The following CNTN5 variants were observed in gnomAD, a reference collection of about 807,000 sequenced individuals.
CNTN5 encodes the protein contactin-5.
Under a neutral mutation model 129.1 loss-of-function variants are expected in CNTN5, and 77 were observed. That is an observed-to-expected ratio of 0.60 (90% CI 0.50 to 0.72). CNTN5 has a LOEUF of 0.72. CNTN5 is among the 30% of genes least tolerant of loss of function. The pLI, the probability that CNTN5 is intolerant of heterozygous loss-of-function variation, is 0.00. For missense variants in CNTN5, 1,478 were observed against 1,328.8 expected (o/e 1.11, Z -1.75); for synonymous variants, 509 against 465.6 (o/e 1.09, Z -1.20).
intron 2 of CNTN5, among the ~76,000 whole-genome samples, chr11:99,344,538 A>C (rs1420397864): frequency 6.6e-6 from 1 of 152,250 alleles, no homozygotes; most frequent in Admixed American, 6.5e-5. Context: ...AATAGATATA[A>C]AATTTTTTAG....
chr11:99,987,583 A>G (rs1366724403), intron 8 of CNTN5, among the ~76,000 whole-genome samples: 2 of 151,344 alleles, frequency 1.3e-5, no homozygotes, highest in Non-Finnish European at 3.0e-5. Flanking sequence ...ACAGAGAGAG[A>G]GGAAAGAGAT....
At chr11:99,659,485 G>C (rs1466164957) in intron 3 of CNTN5, among the ~76,000 whole-genome samples, 3 of 152,190 alleles carry the variant, frequency 2.0e-5, no homozygotes, top group South Asian at 2.1e-4. Flanking sequence ...TAGTTCTTCA[G>C]AAAAACAGAA....
At chr11:99,294,409 C>T (rs947538913) in intron 1 of CNTN5, among the ~76,000 whole-genome samples, 1 of 151,954 alleles carries the variant, frequency 6.6e-6, no homozygotes, top group South Asian at 2.1e-4. Flanking sequence ...GAAAGCAATC[C>T]CATTTACAAT....
At chr11:99,758,317 G>A (rs1944468859) in intron 3 of CNTN5, among the ~76,000 whole-genome samples, 1 of 151,798 alleles carries the variant, frequency 6.6e-6, no homozygotes, top group East Asian at 1.9e-4. Context: ...ATTATATTAG[G>A]AATTATGAAA....
intron 4 of CNTN5, among the ~76,000 whole-genome samples, chr11:99,829,006 C>A (rs1947055732): frequency 1.3e-5 from 2 of 151,978 alleles, no homozygotes; most frequent in Non-Finnish European, 2.9e-5. Flanking sequence ...ATCATTTTAG[C>A]AACAAAAGCT....
chr11:100,045,850 C>T (rs1446038276), intron 9 of CNTN5, among the ~76,000 whole-genome samples: 4 of 151,850 alleles, frequency 2.6e-5, no homozygotes, highest in East Asian at 1.9e-4. Context: ...AAGATTTATT[C>T]GCCCACCAAA....
At chr11:99,136,125 C>T (rs1859206011) in intron 1 of CNTN5, among the ~76,000 whole-genome samples, 1 of 152,106 alleles carries the variant, frequency 6.6e-6, no homozygotes, top group Non-Finnish European at 1.5e-5. Context: ...GCCAGGTATT[C>T]TAATTATACT....
intron 23 of CNTN5, among the ~76,000 whole-genome samples, chr11:100,341,831 C>T (rs1446620788): frequency 6.6e-6 from 1 of 151,848 alleles, no homozygotes; most frequent in Admixed American, 6.6e-5. Flanking sequence ...ATTTCAAATT[C>T]TTGTTCTATA....
intron 3 of CNTN5, among the ~76,000 whole-genome samples, chr11:99,773,346 A>G (rs932680048): frequency 6.6e-6 from 1 of 152,134 alleles, no homozygotes. Flanking sequence ...AACATTTTCA[A>G]TTAGAGTTTA....
intron 12 of CNTN5, among the ~76,000 whole-genome samples, chr11:100,072,605 T>C (rs529177431): frequency 5.3e-4 from 81 of 152,332 alleles, no homozygotes; most frequent in Non-Finnish European, 9.1e-4. Flanking sequence ...GTGTGTTTTC[T>C]ATTCCCCATT....
At chr11:99,977,282 G>A (rs1411549147) in intron 8 of CNTN5, among the ~76,000 whole-genome samples, 4 of 152,128 alleles carry the variant, frequency 2.6e-5, no homozygotes, top group African/African-American at 9.7e-5. Flanking sequence ...AAGTCTCCAG[G>A]AAGTTTTAAA....
rs1167334318 is a variant in CNTN5, at chr11:99,305,792, C to T, written c.-209-19554C>T. Reference sequence around the variant, plus strand: ...GGTCGGGAGTTCGGGACCAGCCTGACAAACAAGGTGAAACCCCATCTCTAC... The same window carrying T: ...GGTCGGGAGTTCGGGACCAGCCTGATAAACAAGGTGAAACCCCATCTCTAC... On this transcript the variant is annotated intron_variant, in intron 1 of 24. Transcript: ENST00000524871. Among the ~76,000 whole-genome samples, 4 of 151,876 alleles carry T rather than the reference C, an allele frequency of 2.6e-5. No homozygotes were observed. In the East Asian group the frequency reaches 7.8e-4, roughly 30 times the overall value.
At chr11:99,847,101 A>G (rs1466843912) in intron 6 of CNTN5, among the ~76,000 whole-genome samples, 2 of 152,248 alleles carry the variant, frequency 1.3e-5, no homozygotes, top group Non-Finnish European at 2.9e-5. Context: ...TTAGTGGCTT[A>G]TACCTTACAG....
intron 13 of CNTN5, among the ~76,000 whole-genome samples, chr11:100,185,828 A>C (rs979366404): frequency 2.0e-5 from 3 of 152,188 alleles, no homozygotes; most frequent in Non-Finnish European, 4.4e-5. Context: ...GCAATCTGCA[A>C]GCCAGGAAGA....
At chr11:99,309,171 C>A (rs908163700) in intron 1 of CNTN5, among the ~76,000 whole-genome samples, 1 of 149,286 alleles carries the variant, frequency 6.7e-6, no homozygotes, top group African/African-American at 2.5e-5. Flanking sequence ...ATATCAGTCA[C>A]TTTTTCTTTT....
intron 1 of CNTN5, among the ~76,000 whole-genome samples, chr11:99,100,669 T>C (rs1866687295): frequency 6.6e-6 from 1 of 152,090 alleles, no homozygotes; most frequent in Admixed American, 6.6e-5. Context: ...GCAGGAAATA[T>C]AAAATATGTT....
chr11:100,299,447 C>A, intron 20 of CNTN5, 51 bp downstream of exon 20: 1 of 1,197,396 alleles, frequency 8.4e-7, no homozygotes, highest in Non-Finnish European at 1.2e-6. Flanking sequence ...CTTTGTTATA[C>A]AAATAATCAG....
intron 4 of CNTN5, among the ~76,000 whole-genome samples, chr11:99,831,255 A>T (rs1947129707): frequency 6.6e-6 from 1 of 152,148 alleles, no homozygotes; most frequent in South Asian, 2.1e-4. Context: ...GATTCAGCAA[A>T]CTCTTGGAAA....
intron 1 of CNTN5, among the ~76,000 whole-genome samples, chr11:99,063,034 A>G (rs1296219597): frequency 6.6e-6 from 1 of 152,158 alleles, no homozygotes; most frequent in Non-Finnish European, 1.5e-5. Context: ...AACCAAGGGA[A>G]GTAGAAGCTA....
Sources: allele counts gnomAD v4.1 joint callset (sites outside exome capture counted in the v4.1 genomes callset), GRCh38; gene constraint gnomAD v4.1.1; transcripts MANE v1.5; gene names NCBI Gene and HGNC (gene_info 2026-07-23, HGNC 2026-07-21).